Variants in SSBP2 observed in about 807,000 individuals in gnomAD.
SSBP2 encodes single stranded DNA binding protein 2, also known as single-stranded DNA-binding protein 2.
In SSBP2, 17 loss-of-function variants were observed where a neutral mutation model predicts 61.8. The ratio of observed to expected loss-of-function variants is 0.28; its 90% confidence interval spans 0.19 to 0.41. The LOEUF is 0.41. Among genes scored for constraint, SSBP2 ranks in the 10% least tolerant of loss-of-function variants. The probability of loss-of-function intolerance (pLI) is 1.00; values close to 1 mark genes in which losing one functional copy is unlikely to be tolerated. For synonymous variants in SSBP2, 139 were observed against 141.3 expected, an observed-to-expected ratio of 0.98 and a Z score of 0.12; for missense variants, 310 against 458.7, an observed-to-expected ratio of 0.68 and a Z score of 2.96.
intron 1 of SSBP2, 184 bp downstream of exon 1, chr5:81,750,797 C>A: frequency 1.5e-6 from 1 of 667,356 alleles, no homozygotes; most frequent in Non-Finnish European, 2.5e-6. Context: ...CGCCCAGCGC[C>A]CGCACCTCCC....
At chr5:81,427,958 A>G (rs1316575218) in intron 16 of SSBP2, among the ~76,000 whole-genome samples, 1 of 152,222 alleles carries the variant, frequency 6.6e-6, no homozygotes, top group African/African-American at 2.4e-5. Context: ...CCTTGAGAAA[A>G]GGCACCATTT....
chr5:81,614,221 G>A (rs1001052085), intron 4 of SSBP2, among the ~76,000 whole-genome samples: 2 of 152,094 alleles, frequency 1.3e-5, no homozygotes, highest in African/African-American at 4.8e-5. Context: ...TTAGCTGGGC[G>A]TGTTGGCGGG....
intron 4 of SSBP2, among the ~76,000 whole-genome samples, chr5:81,515,371 A>G (rs1768936463): frequency 6.6e-6 from 1 of 151,966 alleles, no homozygotes; most frequent in Non-Finnish European, 1.5e-5. Flanking sequence ...GTATAACAAC[A>G]AAAAGACATA....
chr5:81,573,186 A>G (rs1773956194), intron 4 of SSBP2, among the ~76,000 whole-genome samples: 1 of 152,196 alleles, frequency 6.6e-6, no homozygotes, highest in African/African-American at 2.4e-5. Flanking sequence ...AAAAAATAAC[A>G]AAGACAATAA....
At chr5:81,676,014 A>G (rs1406629038) in intron 1 of SSBP2, among the ~76,000 whole-genome samples, 1 of 152,198 alleles carries the variant, frequency 6.6e-6, no homozygotes, top group East Asian at 1.9e-4. Flanking sequence ...TCAATGTGCT[A>G]AAAGCTGCAG....
At chr5:81,463,577 G>A (rs1363082886) in intron 9 of SSBP2, among the ~76,000 whole-genome samples, 3 of 152,068 alleles carry the variant, frequency 2.0e-5, no homozygotes, top group African/African-American at 7.2e-5. Context: ...GCGCATGCCT[G>A]TGGTCCCAGC....
intron 5 of SSBP2, among the ~76,000 whole-genome samples, chr5:81,493,151 C>T (rs1487541825): frequency 6.6e-6 from 1 of 151,476 alleles, no homozygotes; most frequent in Admixed American, 6.6e-5. Context: ...CTACACTTAA[C>T]AATGAGAAAG....
At chr5:81,493,251 CAGATAGATAGATAGAT>C (rs66763000) in intron 5 of SSBP2, among the ~76,000 whole-genome samples, 2,397 of 145,594 alleles carry the variant, frequency 0.016, 40 homozygotes, top group African/African-American at 0.056. Context: ...ATGAACAAAA[CAGATAGATAGATAGAT>C]AGATAGATAG....
At chr5:81,739,256 T>G (rs1421050731) in intron 1 of SSBP2, among the ~76,000 whole-genome samples, 1 of 151,424 alleles carries the variant, frequency 6.6e-6, no homozygotes, top group African/African-American at 2.4e-5. Flanking sequence ...TCGTATTTAA[T>G]CTGCCAGATT....
intron 6 of SSBP2, among the ~76,000 whole-genome samples, chr5:81,476,571 T>A (rs982666333): frequency 6.6e-6 from 1 of 152,248 alleles, no homozygotes; most frequent in Non-Finnish European, 1.5e-5. Context: ...TTTCTCAGTG[T>A]ATCACATTAG....
intron 5 of SSBP2, among the ~76,000 whole-genome samples, chr5:81,493,768 A>T (rs7719898): frequency 0.26 from 38,178 of 144,346 alleles, 5,670 homozygotes; most frequent in African/African-American, 0.46. Flanking sequence ...AAAAAAAAAT[A>T]AAATAAAATT....
intron 10 of SSBP2, among the ~76,000 whole-genome samples, chr5:81,454,406 C>T (rs535246582): frequency 1.5e-3 from 222 of 152,262 alleles, no homozygotes; most frequent in Middle Eastern, 0.01. Flanking sequence ...TAGGGACAGG[C>T]GTGGTGGCTC....
intron 15 of SSBP2, 69 bp from the exon 16 acceptor site, chr5:81,428,752 CG>C: frequency 2.7e-6 from 3 of 1,114,514 alleles, no homozygotes; most frequent in Non-Finnish European, 4.0e-6. Context: ...TGTACTGTTT[CG>C]AATATTGAAA....
Position 81,562,260 on chromosome 5 carries a change from T to A in SSBP2, c.283-48543A>T, listed in dbSNP as rs139813481. On this transcript the variant is annotated intron_variant, in intron 4 of 16. Transcript: ENST00000320672. ...TGACTAAGCAGTGTAAAAAGAAATA[T>A]AATTCTAGAAAAAGATATTTGCCAC... Among the ~76,000 whole-genome samples the A allele has an allele frequency of 2.4e-4, 36 of 152,248 alleles. No individual in the cohort carries two copies. The East Asian group carries it at 6.4e-3, about 27-fold the overall frequency.
chr5:81,680,321 TTATAA>T (rs1453243252), intron 1 of SSBP2, among the ~76,000 whole-genome samples: 2 of 148,060 alleles, frequency 1.4e-5, no homozygotes, highest in Non-Finnish European at 3.0e-5. Flanking sequence ...TATAATTATG[TTATAA>T]TATATAATTT....
chr5:81,436,185 C>CAA (rs34499225), intron 15 of SSBP2, among the ~76,000 whole-genome samples: 1,661 of 54,196 alleles, frequency 0.031, 40 homozygotes, highest in African/African-American at 0.056. Flanking sequence ...AAGACTCCAT[C>CAA]AAAAAAAAAA....
At chr5:81,573,535 G>T (rs1350423852) in intron 4 of SSBP2, among the ~76,000 whole-genome samples, 4 of 152,200 alleles carry the variant, frequency 2.6e-5, no homozygotes, top group African/African-American at 9.7e-5. Context: ...AAGAGGCATA[G>T]ATATCACTCA....
intron 16 of SSBP2, among the ~76,000 whole-genome samples, chr5:81,424,808 GA>G (rs1761850221): frequency 6.6e-6 from 1 of 152,194 alleles, no homozygotes. Flanking sequence ...GTGTTAAATG[GA>G]GTATCATATT....
chr5:81,599,998 CTG>C (rs1561588522), intron 4 of SSBP2, among the ~76,000 whole-genome samples: 1 of 152,158 alleles, frequency 6.6e-6, no homozygotes, highest in African/African-American at 2.4e-5. Context: ...AGTCTGGACT[CTG>C]TTTTATTTCT....
Sources: allele counts gnomAD v4.1 joint callset (sites outside exome capture counted in the v4.1 genomes callset), GRCh38; gene constraint gnomAD v4.1.1; transcripts MANE v1.5; gene names NCBI Gene and HGNC (gene_info 2026-07-23, HGNC 2026-07-21).